Variants in SMIM27 observed in about 807,000 individuals in gnomAD.
The protein encoded by SMIM27 is transition zone microprotein 1, also known as TOPORS antisense RNA 1 (non-protein coding).
SMIM27 carries 3 observed loss-of-function variants against 1.8 expected under a neutral mutation model. The ratio of observed to expected loss-of-function variants is 1.65; its 90% CI spans 0.75 to 4.28. The LOEUF (loss-of-function observed/expected upper bound fraction) is 4.28. SMIM27 is among the 30% of genes most tolerant of loss of function. SMIM27 has a pLI of 0.02. For synonymous variants in SMIM27, 19 were observed against 13.9 expected, an observed-to-expected ratio of 1.37 and a Z score of -0.82; for missense variants, 63 against 37.0, an observed-to-expected ratio of 1.70 and a Z score of -1.83.
At chr9:32,558,957 G>A (rs1222673891) in intron 1 of SMIM27, 1 of 1,575,410 alleles carries the variant, frequency 6.3e-7, no homozygotes, top group Non-Finnish European at 8.7e-7. Context: ...GGTTTTTCCT[G>A]TAATAAAAGT....
chr9:32,553,600 G>GA (rs1821366751), downstream of SMIM27: 4 of 378,288 alleles, frequency 1.1e-5, no homozygotes, highest in Admixed American at 8.6e-5. Flanking sequence ...TACTGTGTAA[G>GA]AAAAAAACAA....
chr9:32,552,954 G>A lies in SMIM27; in HGVS notation c.*31G>A. ...CTGGATTTAATTATCTGAAAATACA[G>A]TTCTTTCCCTCATGCTTATGTAGAT... On this transcript the variant is annotated 3_prime_UTR_variant, in exon 2 of 2. Transcript: ENST00000692500. 1.5e-6 allele frequency: 1 copy of A among 687,832 alleles called. No homozygotes were observed. Among genetic ancestry groups the A allele is most frequent in the Non-Finnish European group, 2.6e-6 (1 of 378,804 alleles). 42.6% of individuals were successfully genotyped at this position (687,832 alleles called of 1,614,324 possible).
chr9:32,566,660 G>A, exon 2 of SMIM27: 1 of 805,996 alleles, frequency 1.2e-6, no homozygotes, highest in South Asian at 1.3e-5. Context: ...CCTCTCTCAG[G>A]TAACTCCGGA....
At chr9:32,553,938 T>C (rs777927045), downstream of SMIM27, 45 of 1,589,214 alleles carry the variant, frequency 2.8e-5, no homozygotes, top group Non-Finnish European at 3.7e-5. Flanking sequence ...TCCAGAATTG[T>C]ATCACCCTAG....
At chr9:32,553,960 T>TA (rs1290290624), downstream of SMIM27, 2 of 1,505,490 alleles carry the variant, frequency 1.3e-6, no homozygotes, top group Non-Finnish European at 1.8e-6. Context: ...AAAACAAAGA[T>TA]ACAGTTAGTA....
At chr9:32,561,595 C>T (rs1360801100) in intron 1 of SMIM27, among the ~76,000 whole-genome samples, 1 of 152,092 alleles carries the variant, frequency 6.6e-6, no homozygotes, top group Non-Finnish European at 1.5e-5. Flanking sequence ...TCCCAAAGTG[C>T]CAGGATTACA....
upstream of SMIM27, chr9:32,551,369 T>G: frequency 2.9e-6 from 1 of 341,090 alleles, no homozygotes; most frequent in Non-Finnish European, 5.7e-6. Context: ...TCTCACCTCC[T>G]GTTGTACGCC....
chr9:32,562,492 C>T (rs1169352496), intron 1 of SMIM27, among the ~76,000 whole-genome samples: 1 of 152,198 alleles, frequency 6.6e-6, no homozygotes, highest in Non-Finnish European at 1.5e-5. Flanking sequence ...AATAGGCTAA[C>T]AGAAAGCCAA....
At chr9:32,566,511 G>A (rs1266021506) in exon 2 of SMIM27, 1 of 773,666 alleles carries the variant, frequency 1.3e-6, no homozygotes, top group Admixed American at 1.8e-5. Context: ...CCGGTGTGCA[G>A]AGACGGCTGC....
upstream of SMIM27, chr9:32,551,297 C>T (rs1054927835): frequency 1.4e-5 from 7 of 492,610 alleles, no homozygotes; most frequent in Admixed American, 1.3e-4. Context: ...CCAAACTCTG[C>T]GGAAACTTAG....
At chr9:32,551,185 C>G (rs1821248711), upstream of SMIM27, 1 of 626,878 alleles carries the variant, frequency 1.6e-6, no homozygotes. Flanking sequence ...GCGACCCTCC[C>G]CATCTTGTTA....
chr9:32,561,445 A>G (rs1302563542), intron 1 of SMIM27, among the ~76,000 whole-genome samples: 3 of 151,744 alleles, frequency 2.0e-5, no homozygotes, highest in Admixed American at 6.6e-5. Flanking sequence ...CTTCTGCCTC[A>G]GCCTTCTGAG....
At chr9:32,561,672 C>T (rs766174546) in intron 1 of SMIM27, among the ~76,000 whole-genome samples, 2 of 152,164 alleles carry the variant, frequency 1.3e-5, no homozygotes, top group Non-Finnish European at 2.9e-5. Context: ...CCCTCCCTTC[C>T]AATACCCTAC....
chr9:32,553,237 C>T (rs755455330), downstream of SMIM27: 168 of 215,196 alleles, frequency 7.8e-4, no homozygotes, highest in Non-Finnish European at 1.1e-3. Context: ...CTCTGTCGCC[C>T]AGGCTCAGTG....
upstream of SMIM27, chr9:32,551,372 T>TGTAC (rs1563987527): frequency 2.0e-5 from 7 of 341,604 alleles, no homozygotes; most frequent in Non-Finnish European, 3.4e-5. Flanking sequence ...CACCTCCTGT[T>TGTAC]GTACGCCTCC....
Position 32,552,328 on chromosome 9 carries a change from T to G in SMIM27, c.-107T>G, listed in dbSNP as rs935391541. ...CACGAAGCGAGTGGGCGGGCGCTCGTGCCCGGCTAAAAGATGGCTGCTGGC... is the reference window on the plus strand; with the variant it reads ...CACGAAGCGAGTGGGCGGGCGCTCGGGCCCGGCTAAAAGATGGCTGCTGGC... On this transcript the variant is annotated 5_prime_UTR_variant, in exon 1 of 2. Coordinates refer to ENST00000692500, the MANE Select transcript of SMIM27 (RefSeq NM_001387564.1). 6.6e-7 allele frequency: 1 copy of G among 1,508,966 alleles called. No individual in the cohort carries two copies. Among genetic ancestry groups the G allele is most frequent in the African/African-American group, 1.4e-5 (1 of 72,324 alleles). 93.5% of individuals were successfully genotyped at this position (1,508,966 alleles called of 1,614,324 possible).
chr9:32,564,182 A>T (rs1288315404), intron 1 of SMIM27, among the ~76,000 whole-genome samples: 1 of 152,216 alleles, frequency 6.6e-6, no homozygotes, highest in Non-Finnish European at 1.5e-5. Flanking sequence ...TTCTAGGTCT[A>T]TCAATACATT....
chr9:32,564,143 C>G (rs762520551), intron 1 of SMIM27, among the ~76,000 whole-genome samples: 2 of 152,186 alleles, frequency 1.3e-5, no homozygotes, highest in Non-Finnish European at 2.9e-5. Context: ...AACACGCATG[C>G]ACACATCCAC....
exon 2 of SMIM27, chr9:32,566,649 A>G (rs540260774): frequency 3.4e-5 from 27 of 799,610 alleles, no homozygotes; most frequent in East Asian, 1.9e-4. Context: ...GCAGGAGCTC[A>G]CCTCTCTCAG....
Sources: gnomAD v4.1 joint callset for allele counts (sites outside exome capture counted in the v4.1 genomes callset) on GRCh38, gnomAD v4.1.1 for gene constraint, MANE v1.5 for transcripts, NCBI Gene and HGNC (gene_info 2026-07-23, HGNC 2026-07-21) for gene names.